Variants in CCDC88A observed in about 807,000 individuals in gnomAD.
CCDC88A encodes girdin.
Under a neutral mutation model 234.3 loss-of-function variants are expected in CCDC88A, and 54 were observed. That is an observed-to-expected ratio of 0.23 (90% confidence interval 0.19 to 0.29). The LOEUF (loss-of-function observed/expected upper bound fraction) is 0.29, where lower values mean the gene tolerates loss of function less well. Ranked by LOEUF, CCDC88A falls within the 10% of genes least tolerant of loss-of-function variation. The probability of loss-of-function intolerance (pLI) is 1.00; values close to 1 mark genes in which losing one functional copy is unlikely to be tolerated. For missense variants in CCDC88A, 1,832 were observed against 2,123.4 expected, an observed-to-expected ratio of 0.86 and a Z score of 2.70; for synonymous variants, 753 against 737.8, an observed-to-expected ratio of 1.02 and a Z score of -0.33.
At position 55,308,890 on chromosome 2, in the gene CCDC88A, G is replaced by A. The variant is rs1681976455; in HGVS notation, c.4306C>T (p.His1436Tyr). The A allele has an allele frequency of 5.6e-6, 9 of 1,614,066 alleles. No individual in the cohort carries two copies. Among genetic ancestry groups the A allele is most frequent in the Non-Finnish European group, 7.6e-6 (9 of 1,179,964 alleles). The change falls in exon 25 of 33, where the codon CAT becomes TAT. Residue 1436 changes from histidine to tyrosine, a missense_variant. Coordinates refer to ENST00000436346, the MANE Select transcript of CCDC88A (RefSeq NM_001365480.1). ...DSSEGFLQLP[H>Y]QDSQDSSSVG... The stretch of plus-strand genomic sequence containing the variant: ...GAAGAACTATCTTGACTGTCTTGAT[G>A]AGGGAGCTGAAGAAATCCTTCACTG...
At chr2:55,396,058 T>G (rs1024269460) in intron 2 of CCDC88A, among the ~76,000 whole-genome samples, 14 of 118,758 alleles carry the variant, frequency 1.2e-4, no homozygotes, top group African/African-American at 3.8e-4. Flanking sequence ...AGGCAATCCA[T>G]TCTGGTATTT....
chr2:55,305,917 C>A (rs1681502458), intron 25 of CCDC88A, among the ~76,000 whole-genome samples: 1 of 151,806 alleles, frequency 6.6e-6, no homozygotes, highest in Non-Finnish European at 1.5e-5. Flanking sequence ...CTATTTCTTT[C>A]TTTTTTGTTT....
chr2:55,407,379 T>C (rs1329910786), intron 2 of CCDC88A, among the ~76,000 whole-genome samples: 7 of 151,938 alleles, frequency 4.6e-5, no homozygotes. Context: ...CTGAGGCAGG[T>C]GCATCATTTG....
intron 3 of CCDC88A, among the ~76,000 whole-genome samples, chr2:55,380,735 C>T (rs1674452184): frequency 6.6e-6 from 1 of 152,146 alleles, no homozygotes. Context: ...CCTGCCTCAC[C>T]CTCCCAAGTA....
At chr2:55,326,969 A>G (rs1015153344) in intron 17 of CCDC88A, among the ~76,000 whole-genome samples, 2 of 152,188 alleles carry the variant, frequency 1.3e-5, no homozygotes, top group Non-Finnish European at 1.5e-5. Context: ...AATTGATTTT[A>G]TTTGCAACTC....
At chr2:55,315,845 GT>G (rs1441887325) in intron 22 of CCDC88A, 82 bp downstream of exon 22, 3 of 746,308 alleles carry the variant, frequency 4.0e-6, no homozygotes, top group African/African-American at 1.8e-5. Flanking sequence ...TACTAGTATT[GT>G]CATTGTAATC....
intron 26 of CCDC88A, among the ~76,000 whole-genome samples, chr2:55,302,465 A>G (rs1282963211): frequency 6.6e-6 from 1 of 152,234 alleles, no homozygotes; most frequent in Admixed American, 6.5e-5. Flanking sequence ...ATTATTGAAA[A>G]TGAAAGTCCT....
chr2:55,370,456 A>C (rs756844099), intron 5 of CCDC88A, among the ~76,000 whole-genome samples: 1 of 151,902 alleles, frequency 6.6e-6, no homozygotes, highest in African/African-American at 2.4e-5. Flanking sequence ...AGCCTGGCCA[A>C]CATGGTGAAA....
chr2:55,402,486 A>T lies in CCDC88A; in HGVS notation c.165-13600T>A, dbSNP rs930236012. 2.8e-4 allele frequency among the ~76,000 whole-genome samples: 42 copies of T among 152,154 alleles called. 2 individuals are homozygous for T. Among genetic ancestry groups the T allele is most frequent in the Non-Finnish European group, 4.4e-5 (3 of 68,024 alleles). ...TTCTTTGATATTACCAAAATTCAGT[A>T]AGGGTTATTTCTTAAAGGTTAAGTG... On this transcript the variant is annotated intron_variant, in intron 2 of 32. Coordinates refer to ENST00000436346, the MANE Select transcript of CCDC88A (RefSeq NM_001365480.1).
chr2:55,402,056 C>G (rs1678794508), intron 2 of CCDC88A, among the ~76,000 whole-genome samples: 1 of 152,054 alleles, frequency 6.6e-6, no homozygotes, highest in Non-Finnish European at 1.5e-5. Flanking sequence ...AGTTTTTTAA[C>G]TTTTGGTCTC....
intron 12 of CCDC88A, among the ~76,000 whole-genome samples, chr2:55,342,724 C>G (rs902750918): frequency 2.0e-5 from 3 of 152,042 alleles, no homozygotes; most frequent in Admixed American, 6.6e-5. Context: ...ACAGGAAGAA[C>G]CTAATTGGTA....
chr2:55,361,808 G>A (rs1047288223), intron 7 of CCDC88A: 2 of 152,284 alleles, frequency 1.3e-5, no homozygotes, highest in African/African-American at 4.8e-5. Context: ...TGTTTTAACG[G>A]ACTTAAAATA....
At position 55,344,519 on chromosome 2, in the gene CCDC88A, A is replaced by T; in HGVS notation, c.1042-5T>A. The T allele has an allele frequency of 6.8e-7, 1 of 1,464,702 alleles. No homozygotes were observed. The highest frequency in any genetic ancestry group is 9.3e-7 in the Non-Finnish European group (1 of 1,076,974). The allele number at this position is 1,464,702 out of a possible 1,614,324, so 90.7% of individuals were successfully genotyped here. ...TTGATTGTCTTCTTTTAATTCCTAT[A>T]AATGTTTATCACAAATGTGTTAATA... is the stretch of plus-strand genomic sequence containing the variant. On this transcript the variant is annotated splice_polypyrimidine_tract_variant and splice_region_variant and intron_variant, in intron 10 of 32. Coordinates refer to ENST00000436346, the MANE Select transcript of CCDC88A (RefSeq NM_001365480.1).
intron 2 of CCDC88A, among the ~76,000 whole-genome samples, chr2:55,413,862 G>A (rs1391082976): frequency 6.6e-6 from 1 of 152,046 alleles, no homozygotes; most frequent in East Asian, 1.9e-4. Flanking sequence ...TAAGGTGGGA[G>A]GATAGCTTGA....
chr2:55,334,098 C>T lies in CCDC88A; in HGVS notation c.2723G>A (p.Arg908His), dbSNP rs200504307. The T allele has an allele frequency of 9.5e-6, 12 of 1,268,392 alleles. No homozygotes were observed. Among genetic ancestry groups the T allele is most frequent in the East Asian group, 5.6e-5 (2 of 35,620 alleles). The allele number at this position is 1,268,392 out of a possible 1,614,324, so 78.6% of individuals were successfully genotyped here. ...AATTTAGGTAAACATATTTACCTCA[C>T]GTAGTGTAACCAACGTTTTTATATC... ...TIDIKTLVTL[R>H]EDLVSEKLKT... Residue 908 changes from arginine (R) to histidine (H), a missense_variant, in exon 15 of 33, where the codon CGT becomes CAT. Transcript: ENST00000436346. The surrounding 1 kb of genome is among the most constrained non-coding windows in gnomAD (Gnocchi z 6.1).
At position 55,328,197 on chromosome 2, in the gene CCDC88A, T is replaced by G; in HGVS notation, c.2997+97A>C. On this transcript the variant is annotated intron_variant, in intron 17 of 32. Coordinates refer to ENST00000436346, the MANE Select transcript of CCDC88A (RefSeq NM_001365480.1). This position sits in a 1 kb window ranked among gnomAD's most constrained non-coding sequence, Gnocchi z 4.3. The stretch of plus-strand genomic sequence containing the variant: ...AAGGAAGAAATAGACTAAATATCAA[T>G]AAAATGTTTATATTTTTATTTTCTA... 1 of 954,002 alleles carries G rather than the reference T, an allele frequency of 1.0e-6. No homozygotes were observed. Among genetic ancestry groups the G allele is most frequent in the Non-Finnish European group, 1.6e-6 (1 of 644,888 alleles). The allele number at this position is 954,002 out of a possible 1,614,324, so 59.1% of individuals were successfully genotyped here. A position where few individuals can be genotyped will look rare whatever the true frequency, so the allele number is the denominator to read the frequency against.
At chr2:55,416,676 G>T (rs1009414377) in intron 2 of CCDC88A, among the ~76,000 whole-genome samples, 2 of 150,630 alleles carry the variant, frequency 1.3e-5, no homozygotes, top group African/African-American at 2.4e-5. Flanking sequence ...ATTAGACTAG[G>T]CCTAACTTTT....
chr2:55,326,830 C>T (rs1052389758), intron 17 of CCDC88A, among the ~76,000 whole-genome samples: 2 of 152,188 alleles, frequency 1.3e-5, no homozygotes, highest in Non-Finnish European at 2.9e-5. Context: ...CTCGGCCTCC[C>T]AAAGTGCTGG....
At chr2:55,348,081 T>C (rs1206284962) in intron 9 of CCDC88A, among the ~76,000 whole-genome samples, 3 of 151,476 alleles carry the variant, frequency 2.0e-5, no homozygotes, top group Admixed American at 1.3e-4. Context: ...CCCACCTCAG[T>C]CTCCCAAGTA....
Sources: gnomAD v4.1 joint callset for allele counts (sites outside exome capture counted in the v4.1 genomes callset) on GRCh38, gnomAD v4.1.1 for gene constraint, Gnocchi (gnomAD v3.1) non-coding constraint, MANE v1.5 for transcripts, NCBI Gene and HGNC (gene_info 2026-07-23, HGNC 2026-07-21) for gene names.